Variants in DLGAP2 observed in about 807,000 individuals in gnomAD.
The protein encoded by DLGAP2 is DLG associated protein 2.
A neutral mutation model predicts 100.3 loss-of-function variants in DLGAP2; 26 were observed. The ratio of observed to expected loss-of-function variants is 0.26; its 90% CI spans 0.19 to 0.36. The LOEUF (loss-of-function observed/expected upper bound fraction) is 0.36, where lower values mean the gene tolerates loss of function less well. DLGAP2 is among the 10% of genes least tolerant of loss of function. DLGAP2 has a pLI of 1.00. For missense variants in DLGAP2, 1,858 were observed against 1,453.2 expected (o/e 1.28, Z -4.53); for synonymous variants, 886 against 630.1 (o/e 1.41, Z -6.08).
chr8:1,572,547 G>A (rs1359742844), intron 6 of DLGAP2, among the ~76,000 whole-genome samples: 3 of 118,762 alleles, frequency 2.5e-5, no homozygotes, highest in Admixed American at 1.7e-4. Context: ...GGGGGCGTCT[G>A]ATGAGATGGA....
intron 3 of DLGAP2, among the ~76,000 whole-genome samples, chr8:1,407,843 G>A (rs112265504): frequency 5.1e-4 from 67 of 132,196 alleles, no homozygotes; most frequent in Admixed American, 8.8e-4. Context: ...CTCATCCTCC[G>A]GAGTCGTGTA....
chr8:945,511 C>T lies in DLGAP2; in HGVS notation c.73+37545C>T, dbSNP rs79389785. Among the ~76,000 whole-genome samples the T allele has an allele frequency of 1.5e-4, 23 of 152,272 alleles. No individual in the cohort carries two copies. In the East Asian group the frequency reaches 2.3e-3, roughly 15 times the overall value. On this transcript the variant is annotated intron_variant, in intron 2 of 14. Transcript: ENST00000637795. ...ACTCACGAAGAATGAGGCTGAGCCC[C>T]GGACAAGCTGAGGTCACCATTTCCC... is the stretch of plus-strand genomic sequence containing the variant.
chr8:1,177,968 C>G (rs187987476), intron 2 of DLGAP2, among the ~76,000 whole-genome samples: 1 of 152,208 alleles, frequency 6.6e-6, no homozygotes, highest in Non-Finnish European at 1.5e-5. Context: ...TCGACATCTC[C>G]AACACAGCAT....
At chr8:1,652,535 C>A (rs9644315) in intron 8 of DLGAP2, among the ~76,000 whole-genome samples, 86,029 of 151,998 alleles carry the variant, frequency 0.57, 25,083 homozygotes, top group African/African-American at 0.71. Context: ...TGGTCTTGTG[C>A]GTGATATTTC....
intron 2 of DLGAP2, among the ~76,000 whole-genome samples, chr8:1,163,311 C>T (rs1333829428): frequency 6.6e-6 from 1 of 152,214 alleles, no homozygotes; most frequent in Non-Finnish European, 1.5e-5. Context: ...CGGGCTGTGC[C>T]GCACCCCCTG....
intron 8 of DLGAP2, among the ~76,000 whole-genome samples, chr8:1,663,366 G>C (rs904965739): frequency 2.6e-5 from 4 of 152,116 alleles, no homozygotes; most frequent in Non-Finnish European, 5.9e-5. Flanking sequence ...GGCCAGTGCT[G>C]TTTGGGGACC....
chr8:985,660 G>C (rs1008578455), intron 2 of DLGAP2, among the ~76,000 whole-genome samples: 2 of 152,228 alleles, frequency 1.3e-5, no homozygotes, highest in African/African-American at 4.8e-5. Context: ...TATTATCTGA[G>C]AGCAGAACAT....
At chr8:907,174 G>C (rs1404829059) in intron 1 of DLGAP2, among the ~76,000 whole-genome samples, 1 of 152,206 alleles carries the variant, frequency 6.6e-6, no homozygotes, top group African/African-American at 2.4e-5. Flanking sequence ...TGTAGATGCT[G>C]TCTTCATGGA....
intron 4 of DLGAP2, among the ~76,000 whole-genome samples, chr8:1,525,500 G>A (rs1800763395): frequency 6.6e-6 from 1 of 152,200 alleles, no homozygotes; most frequent in Admixed American, 6.5e-5. Flanking sequence ...ACAGGGAGGT[G>A]GGCAGACCCC....
At position 1,526,842 on chromosome 8, in the gene DLGAP2, A is replaced by C. The variant is rs547773878; in HGVS notation, c.173-21784A>C. On this transcript the variant is annotated intron_variant, in intron 4 of 14. Transcript: ENST00000637795. ...TGACTTCCATTTACCTCTCAGGCCC[A>C]GGGTTCTCTCTGGGCAGCCCTCCTG... Among the ~76,000 whole-genome samples, 6 of 152,268 alleles carry C rather than the reference A, an allele frequency of 3.9e-5. No individual in the cohort carries two copies. In the South Asian group the frequency reaches 1.2e-3, roughly 31 times the overall value.
intron 2 of DLGAP2, among the ~76,000 whole-genome samples, chr8:1,043,736 A>G (rs377220085): frequency 3.3e-5 from 5 of 152,116 alleles, no homozygotes; most frequent in East Asian, 1.9e-4. Context: ...TAGGTTGTCA[A>G]ATAGTAATAA....
chr8:1,491,480 C>T (rs1464712816), intron 3 of DLGAP2, among the ~76,000 whole-genome samples: 1 of 151,788 alleles, frequency 6.6e-6, no homozygotes, highest in African/African-American at 2.4e-5. Flanking sequence ...GATTTGAAGG[C>T]CACATTTTTC....
At chr8:1,671,478 C>A (rs1201655904) in intron 10 of DLGAP2, among the ~76,000 whole-genome samples, 1 of 152,238 alleles carries the variant, frequency 6.6e-6, no homozygotes, top group Non-Finnish European at 1.5e-5. Flanking sequence ...GGAGCTCACG[C>A]CCTCTGTGAG....
intron 3 of DLGAP2, among the ~76,000 whole-genome samples, chr8:1,439,334 T>G (rs113208367): frequency 1.5e-4 from 23 of 152,316 alleles, no homozygotes; most frequent in African/African-American, 4.8e-4. Flanking sequence ...TCGCGCTGTC[T>G]GTGGGAGCTA....
At chr8:975,901 G>C (rs1295998521) in intron 2 of DLGAP2, among the ~76,000 whole-genome samples, 1 of 149,562 alleles carries the variant, frequency 6.7e-6, no homozygotes, top group African/African-American at 2.5e-5. Flanking sequence ...GACCAAGACG[G>C]GAGAAATAAA....
intron 6 of DLGAP2, among the ~76,000 whole-genome samples, chr8:1,591,122 A>G (rs1195713579): frequency 6.6e-6 from 1 of 152,220 alleles, no homozygotes; most frequent in East Asian, 1.9e-4. Flanking sequence ...GGTGCAGCCC[A>G]TGAAGACACC....
chr8:1,121,252 C>T (rs150461446), intron 2 of DLGAP2, among the ~76,000 whole-genome samples: 52 of 149,764 alleles, frequency 3.5e-4, no homozygotes, highest in Non-Finnish European at 6.8e-4. Flanking sequence ...CACCCATCCT[C>T]GTCCCTTCAG....
At chr8:930,124 G>C (rs1798922017) in intron 2 of DLGAP2, among the ~76,000 whole-genome samples, 1 of 152,110 alleles carries the variant, frequency 6.6e-6, no homozygotes, top group Admixed American at 6.5e-5. Flanking sequence ...ACTCAGACCT[G>C]GCGACCCTGG....
chr8:1,385,787 C>T (rs1468553683), intron 3 of DLGAP2, among the ~76,000 whole-genome samples: 4 of 150,146 alleles, frequency 2.7e-5, no homozygotes, highest in Non-Finnish European at 4.4e-5. Context: ...TGCACAGTTA[C>T]CCGGCCTGTG....
Sources: allele counts gnomAD v4.1 joint callset (sites outside exome capture counted in the v4.1 genomes callset), GRCh38; gene constraint gnomAD v4.1.1; transcripts MANE v1.5; gene names NCBI Gene and HGNC (gene_info 2026-07-23, HGNC 2026-07-21).